The following PPP4R1 variants were observed in gnomAD, a reference collection of about 807,000 sequenced individuals.
The protein encoded by PPP4R1 is protein phosphatase 4 regulatory subunit 1.
PPP4R1 carries 42 observed loss-of-function variants against 111.2 expected under a neutral mutation model. The ratio of observed to expected loss-of-function variants is 0.38; its 90% CI spans 0.29 to 0.49. The LOEUF (loss-of-function observed/expected upper bound fraction) is 0.49. PPP4R1 is among the 20% of genes least tolerant of loss of function. The pLI, the probability that PPP4R1 is intolerant of heterozygous loss-of-function variation, is 0.97. For missense variants in PPP4R1, 1,012 were observed against 1,161.6 expected (o/e 0.87, Z 1.87); for synonymous variants, 409 against 405.5 (o/e 1.01, Z -0.10).
At chr18:9,614,732 C>G (rs77036092), upstream of PPP4R1, 28,096 of 145,636 alleles carry the variant, frequency 0.19, 3,043 homozygotes, top group East Asian at 0.46. The surrounding 1 kb of genome is among the most constrained non-coding windows in gnomAD (Gnocchi z 4.1). Context: ...CCCGGGCGAC[C>G]GGCGCTCCCG....
intron 12 of PPP4R1, among the ~76,000 whole-genome samples, chr18:9,562,736 T>C (rs977517343): frequency 1.3e-5 from 2 of 152,218 alleles, no homozygotes. Flanking sequence ...CAAGCCACTA[T>C]GATCTGTGAC....
chr18:9,549,822 C>G, intron 18 of PPP4R1: 1 of 609,588 alleles, frequency 1.6e-6, no homozygotes, highest in South Asian at 2.0e-5. Context: ...ATACAGCAGG[C>G]ACGTGGGGTG....
chr18:9,586,157 ATTAT>A (rs1719840916), intron 6 of PPP4R1, among the ~76,000 whole-genome samples: 1 of 151,810 alleles, frequency 6.6e-6, no homozygotes, highest in African/African-American at 2.4e-5. Context: ...TTAAGAAATA[ATTAT>A]TATTTCTCTA....
intron 19 of PPP4R1, 68 bp from the exon 20 acceptor site, chr18:9,548,020 A>AC (rs2066426917): frequency 6.7e-7 from 1 of 1,484,222 alleles, no homozygotes; most frequent in African/African-American, 1.4e-5. Context: ...TCCGTCAAGT[A>AC]CGAGTGTAAA....
At chr18:9,557,148 G>T in intron 15 of PPP4R1, 73 bp downstream of exon 15, 1 of 1,369,762 alleles carries the variant, frequency 7.3e-7, no homozygotes, top group Non-Finnish European at 9.9e-7. Context: ...CTCTCTTGGT[G>T]ATAGCAGAAG....
intron 2 of PPP4R1, among the ~76,000 whole-genome samples, chr18:9,595,674 T>C (rs991355038): frequency 6.6e-6 from 1 of 152,194 alleles, no homozygotes; most frequent in African/African-American, 2.4e-5. Flanking sequence ...AATACTAATG[T>C]TTCTGACTTC....
upstream of PPP4R1, chr18:9,614,621 G>A: frequency 2.5e-6 from 1 of 400,316 alleles, no homozygotes. The surrounding 1 kb of genome is among the most constrained non-coding windows in gnomAD (Gnocchi z 4.1). Flanking sequence ...CGCGCGCGCG[G>A]GGCGGGCCGA....
At chr18:9,572,085 C>T (rs923209661) in intron 10 of PPP4R1, among the ~76,000 whole-genome samples, 6 of 152,094 alleles carry the variant, frequency 3.9e-5, no homozygotes, top group African/African-American at 1.4e-4. Context: ...TTGCATGCTG[C>T]AGGTAACAAA....
intron 2 of PPP4R1, among the ~76,000 whole-genome samples, chr18:9,595,542 T>C (rs193058056): frequency 6.6e-6 from 1 of 152,332 alleles, no homozygotes; most frequent in Non-Finnish European, 1.5e-5. Flanking sequence ...ATGAAACTGG[T>C]ATCTAACTTC....
chr18:9,551,780 A>G (rs2066493092), intron 16 of PPP4R1: 1 of 152,266 alleles, frequency 6.6e-6, no homozygotes, highest in South Asian at 2.1e-4. Context: ...GACCAAGCAC[A>G]GATAGGAGGT....
At chr18:9,588,620 A>T in intron 5 of PPP4R1, 91 bp downstream of exon 5, 2 of 1,291,432 alleles carry the variant, frequency 1.5e-6, no homozygotes, top group Non-Finnish European at 2.1e-6. Flanking sequence ...AAAAACAGTA[A>T]AACATTCCAA....
chr18:9,556,002 A>AC (rs2066574077), intron 15 of PPP4R1, among the ~76,000 whole-genome samples: 1 of 80,800 alleles, frequency 1.2e-5, no homozygotes, highest in South Asian at 5.8e-4. Flanking sequence ...ACAAACAAAA[A>AC]AACACAAAAT....
chr18:9,583,923 C>A (rs1208128513), intron 8 of PPP4R1, among the ~76,000 whole-genome samples: 1 of 152,112 alleles, frequency 6.6e-6, no homozygotes, highest in Non-Finnish European at 1.5e-5. Flanking sequence ...CCCTACCCAA[C>A]ATGAAAGATC....
intron 2 of PPP4R1, among the ~76,000 whole-genome samples, chr18:9,597,194 A>C (rs1349330822): frequency 6.6e-6 from 1 of 152,228 alleles, no homozygotes; most frequent in Non-Finnish European, 1.5e-5. Context: ...GACACTGGAC[A>C]AAAGACAGTA....
At chr18:9,582,642 C>G (rs2067048362) in intron 9 of PPP4R1, among the ~76,000 whole-genome samples, 1 of 152,136 alleles carries the variant, frequency 6.6e-6, no homozygotes. Flanking sequence ...TCCCCAAAAA[C>G]AGTAGAGGAG....
In PPP4R1 at chr18:9,614,131, C is replaced by G. The variant is rs1348799656; in HGVS notation, c.52+95G>C. On this transcript the variant is annotated intron_variant, in intron 2 of 19. Coordinates refer to ENST00000400556, the MANE Select transcript of PPP4R1 (RefSeq NM_001042388.3). The surrounding 1 kb of genome is among the most constrained non-coding windows in gnomAD (Gnocchi z 4.1). ...GGGCCGCCCTCGCCCACCGTCCCCT[C>G]AGCCAGCCAGGGCCCGGCCCAGGCC... is the stretch of plus-strand genomic sequence containing the variant. 1.8e-6 allele frequency: 2 copies of G among 1,105,494 alleles called. No homozygotes were observed. Among genetic ancestry groups the G allele is most frequent in the African/African-American group, 3.3e-5 (2 of 59,748 alleles). The allele number at this position is 1,105,494 out of a possible 1,614,324, so 68.5% of individuals were successfully genotyped here.
intron 6 of PPP4R1, among the ~76,000 whole-genome samples, chr18:9,586,294 G>T (rs911461530): frequency 1.3e-5 from 2 of 151,862 alleles, no homozygotes; most frequent in African/African-American, 4.8e-5. Context: ...ATTTTTTATT[G>T]TAATGTTTTA....
intron 16 of PPP4R1, chr18:9,552,087 T>C (rs966854742): frequency 3.9e-5 from 6 of 152,202 alleles, no homozygotes; most frequent in African/African-American, 1.2e-4. Flanking sequence ...ATCTTTAATA[T>C]ACTGAAAGAC....
chr18:9,576,791 T>C (rs200878338), intron 10 of PPP4R1, among the ~76,000 whole-genome samples: 7 of 152,314 alleles, frequency 4.6e-5, no homozygotes, highest in African/African-American at 1.7e-4. Context: ...TTAAAAGTCA[T>C]AATCTACCAT....
Sources: gnomAD v4.1 joint callset for allele counts (sites outside exome capture counted in the v4.1 genomes callset) on GRCh38, gnomAD v4.1.1 for gene constraint, Gnocchi (gnomAD v3.1) non-coding constraint, MANE v1.5 for transcripts, NCBI Gene and HGNC (gene_info 2026-07-23, HGNC 2026-07-21) for gene names.